Variants in CS observed in about 807,000 individuals in gnomAD.
The protein encoded by CS is citrate synthase, mitochondrial.
A neutral mutation model predicts 61.4 loss-of-function variants in CS; 13 were observed. The observed-to-expected ratio is 0.21, with a 90% CI of 0.14 to 0.34. The LOEUF is 0.34. Among genes scored for constraint, CS ranks in the 10% least tolerant of loss-of-function variants. The probability of loss-of-function intolerance (pLI) is 1.00; values close to 1 mark genes in which losing one functional copy is unlikely to be tolerated. For synonymous variants in CS, 159 were observed against 215.2 expected, an observed-to-expected ratio of 0.74 and a Z score of 2.29; for missense variants, 278 against 573.4, an observed-to-expected ratio of 0.48 and a Z score of 5.26.
chr12:56,285,137 A>C (rs1592410104), intron 3 of CS: 1 of 229,542 alleles, frequency 4.4e-6, no homozygotes, highest in Non-Finnish European at 9.3e-6. Flanking sequence ...GTAGAGACGG[A>C]GTTTTACCAT....
rs184600919 is a variant in CS, at chr12:56,300,215, C to T, written c.-14G>A. 2,040 of 1,559,302 alleles carry T rather than the reference C, an allele frequency of 1.3e-3. 33 individuals carry two copies. The African/African-American group carries it at 0.025, about 19-fold the overall frequency. ...AAGTAAAGCCATGGCGGGCGATCTC[C>T]GGGATCTGGTGGGGAGGTAAGAAAG... is the stretch of plus-strand genomic sequence containing the variant. On this transcript the variant is annotated 5_prime_UTR_variant, in exon 1 of 11. Coordinates refer to ENST00000351328, the MANE Select transcript of CS (RefSeq NM_004077.3).
chr12:56,277,202 TA>T (rs5798367), intron 6 of CS, among the ~76,000 whole-genome samples: 112,022 of 138,752 alleles, frequency 0.81, 47,407 homozygotes, highest in South Asian at 0.98. Context: ...AGACTCTGTC[TA>T]AAAAAAAAAA....
At chr12:56,278,478 C>T (rs1351308832) in intron 6 of CS, among the ~76,000 whole-genome samples, 1 of 152,032 alleles carries the variant, frequency 6.6e-6, no homozygotes, top group African/African-American at 2.4e-5. Flanking sequence ...GTGGCTCACA[C>T]CTGTAATCCC....
In CS at chr12:56,282,529, G is replaced by T. The variant is rs768131425; in HGVS notation, c.479C>A (p.Thr160Asn). The change falls in exon 6 of 11, where the codon ACC (threonine) becomes AAC (asparagine). Residue 160 changes from threonine (T) to asparagine (N), a missense_variant. Physicochemically the swap from Thr to Asn is moderately conservative, Grantham distance 65. Transcript: ENST00000351328. ...HVVTMLDNFP[T>N]NLHPMSQLSA... ...GAGCTGAGACATGGGGTGTAGATTG[G>T]TGGGAAAGTTGTCCAGCATGGTGAC... The T allele has an allele frequency of 2.5e-6, 4 of 1,587,708 alleles. No individual in the cohort carries two copies. In the Admixed American group the frequency reaches 6.9e-5, roughly 27 times the overall value.
At position 56,274,528 on chromosome 12, in the gene CS, A is replaced by C. The variant is rs1052028168; in HGVS notation, c.1020+249T>G. The C allele has an allele frequency of 1.1e-5, 4 of 377,204 alleles. No homozygotes were observed. The Admixed American group carries it at 1.7e-4, about 16-fold the overall frequency. 23.4% of individuals were successfully genotyped at this position (377,204 alleles called of 1,614,324 possible). A position where few individuals can be genotyped will look rare whatever the true frequency, so the allele number is the denominator to read the frequency against. The stretch of plus-strand genomic sequence containing the variant: ...AGTGTAGTGGCTATTCACAGGAGTG[A>C]TCTTAGCACACTGCAGCCTTAAACT... On this transcript the variant is annotated intron_variant, in intron 9 of 10. Coordinates refer to ENST00000351328, the MANE Select transcript of CS (RefSeq NM_004077.3).
intron 1 of CS, among the ~76,000 whole-genome samples, chr12:56,292,539 G>A (rs1873158686): frequency 6.6e-6 from 1 of 151,652 alleles, no homozygotes; most frequent in African/African-American, 2.4e-5. Flanking sequence ...TTTGCTCGGT[G>A]TACTCTCGTG....
At chr12:56,292,814 G>A (rs1249262580) in intron 1 of CS, among the ~76,000 whole-genome samples, 2 of 151,488 alleles carry the variant, frequency 1.3e-5, no homozygotes, top group Non-Finnish European at 2.9e-5. Flanking sequence ...TGAGGCAGGA[G>A]AATGGCGTGA....
In CS at chr12:56,282,456, T is replaced by C; in HGVS notation, c.552A>G (p.Ala184=). 2 of 1,612,970 alleles carry C rather than the reference T, an allele frequency of 1.2e-6. No homozygotes were observed. Among genetic ancestry groups the C allele is most frequent in the Non-Finnish European group, 1.7e-6 (2 of 1,179,768 alleles). The change falls in exon 6 of 11, where the codon GCA becomes GCG. Residue 184 remains alanine (A), a synonymous_variant. Coordinates refer to ENST00000351328, the MANE Select transcript of CS (RefSeq NM_004077.3). The part of the protein sequence containing the change: ...ALNSESNFAR[A]YAQGISRTKY... ...TGGTTCGGCTGATACCCTGTGCATA[T>C]GCTCGGGCAAAGTTACTTTCACTGT...
chr12:56,292,431 G>A (rs1873155547), intron 1 of CS, among the ~76,000 whole-genome samples: 1 of 151,282 alleles, frequency 6.6e-6, no homozygotes, highest in Non-Finnish European at 1.5e-5. Flanking sequence ...AGCCAATCAG[G>A]ACAAATACAA....
intron 1 of CS, among the ~76,000 whole-genome samples, chr12:56,296,064 G>A (rs2629445): frequency 0.9 from 136,578 of 151,420 alleles, 63,197 homozygotes; most frequent in East Asian, 1. Context: ...TTGCAGAATT[G>A]TAATCTGAAG....
At chr12:56,276,863 T>G (rs1017069047) in intron 6 of CS, among the ~76,000 whole-genome samples, 18 of 152,126 alleles carry the variant, frequency 1.2e-4, no homozygotes, top group Non-Finnish European at 8.8e-5. Flanking sequence ...TTAATCATGA[T>G]CTTTTTCACT....
chr12:56,299,328 CAAGTA>C (rs1873404106), intron 1 of CS, among the ~76,000 whole-genome samples: 2 of 152,096 alleles, frequency 1.3e-5, no homozygotes, highest in Non-Finnish European at 1.5e-5. Context: ...CAATCAATAC[CAAGTA>C]AAGGACCCCA....
chr12:56,295,975 A>AAAAAAT (rs1432591299), intron 1 of CS, among the ~76,000 whole-genome samples: 7 of 150,714 alleles, frequency 4.6e-5, no homozygotes, highest in Non-Finnish European at 1.0e-4. Flanking sequence ...AAAAAAAAAA[A>AAAAAAT]AAAAAAGAAG....
chr12:56,287,058 G>A (rs1872960374), intron 1 of CS, among the ~76,000 whole-genome samples: 1 of 152,164 alleles, frequency 6.6e-6, no homozygotes, highest in African/African-American at 2.4e-5. Flanking sequence ...ACAGGCAGAG[G>A]GCAGCCTTTC....
chr12:56,276,592 A>T (rs1260803061), intron 6 of CS, among the ~76,000 whole-genome samples: 1 of 152,308 alleles, frequency 6.6e-6, no homozygotes, highest in African/African-American at 2.4e-5. Context: ...CCCAGGCTGG[A>T]GTGCAATGGC....
At chr12:56,282,101 C>A (rs1872793224) in intron 6 of CS, among the ~76,000 whole-genome samples, 1 of 152,206 alleles carries the variant, frequency 6.6e-6, no homozygotes, top group Non-Finnish European at 1.5e-5. Flanking sequence ...TCGTGATCTG[C>A]CCGCCTTGGC....
intron 5 of CS, 119 bp from the exon 6 acceptor site, chr12:56,282,727 C>G (rs1480812072): frequency 6.5e-7 from 1 of 1,528,650 alleles, no homozygotes; most frequent in Admixed American, 1.9e-5. Flanking sequence ...TCCATTTATA[C>G]AGCAGAACTC....
At chr12:56,277,677 C>T (rs1414909634) in intron 6 of CS, among the ~76,000 whole-genome samples, 2 of 141,544 alleles carry the variant, frequency 1.4e-5, no homozygotes, top group Non-Finnish European at 3.0e-5. Flanking sequence ...GTCGCCGAGG[C>T]TGGAGTACAG....
intron 6 of CS, among the ~76,000 whole-genome samples, chr12:56,280,803 A>G (rs552984695): frequency 6.6e-6 from 1 of 152,288 alleles, no homozygotes; most frequent in African/African-American, 2.4e-5. Context: ...ACAAATATAC[A>G]CATTCATACC....
Sources: gnomAD v4.1 joint callset for allele counts (sites outside exome capture counted in the v4.1 genomes callset) on GRCh38, gnomAD v4.1.1 for gene constraint, MANE v1.5 for transcripts, NCBI Gene and HGNC (gene_info 2026-07-23, HGNC 2026-07-21) for gene names.